The following NRG1 variants were observed in gnomAD, a reference collection of about 807,000 sequenced individuals.
NRG1 encodes neuregulin 1.
In NRG1, 18 loss-of-function variants were observed where a neutral mutation model predicts 63.8. That is an observed-to-expected ratio of 0.28 (90% confidence interval 0.19 to 0.42). NRG1 has a LOEUF of 0.42. Ranked by LOEUF, NRG1 falls within the 10% of genes least tolerant of loss-of-function variation. NRG1 has a pLI of 1.00. For missense variants in NRG1, 762 were observed against 814.7 expected, an observed-to-expected ratio of 0.94 and a Z score of 0.79; for synonymous variants, 302 against 301.3, an observed-to-expected ratio of 1.00 and a Z score of -0.02.
chr8:31,746,504 T>C (rs750288842), intron 1 of NRG1, among the ~76,000 whole-genome samples: 2 of 151,974 alleles, frequency 1.3e-5, no homozygotes, highest in Non-Finnish European at 2.9e-5. Flanking sequence ...GTCCTTACCA[T>C]TGATTTATTG....
chr8:31,813,650 C>A (rs1031945360), intron 1 of NRG1, among the ~76,000 whole-genome samples: 2 of 151,516 alleles, frequency 1.3e-5, no homozygotes, highest in African/African-American at 4.9e-5. Flanking sequence ...ACCCCCTGAC[C>A]CTCACTATCT....
chr8:32,183,727 T>A (rs568391718), intron 1 of NRG1, among the ~76,000 whole-genome samples: 13 of 152,272 alleles, frequency 8.5e-5, no homozygotes, highest in African/African-American at 2.9e-4. Context: ...GGAGTGCCCA[T>A]CCTACAAGAA....
chr8:32,048,828 T>G (rs1371437037), intron 1 of NRG1, among the ~76,000 whole-genome samples: 1 of 151,942 alleles, frequency 6.6e-6, no homozygotes, highest in Non-Finnish European at 1.5e-5. Context: ...TTTGTTGCTG[T>G]TGAGTTGTTT....
At chr8:32,621,938 A>C (rs1239293864) in intron 5 of NRG1, among the ~76,000 whole-genome samples, 1 of 152,222 alleles carries the variant, frequency 6.6e-6, no homozygotes, top group Admixed American at 6.5e-5. Flanking sequence ...AGTGGATTGA[A>C]AGGTAGCCTT....
At chr8:32,116,417 G>A (rs1832717867) in intron 1 of NRG1, among the ~76,000 whole-genome samples, 1 of 152,136 alleles carries the variant, frequency 6.6e-6, no homozygotes, top group Non-Finnish European at 1.5e-5. Context: ...TAAGAGAAGT[G>A]TAAGGTCAGA....
At chr8:31,655,363 G>C (rs973510492) in intron 1 of NRG1, among the ~76,000 whole-genome samples, 1 of 152,146 alleles carries the variant, frequency 6.6e-6, no homozygotes, top group African/African-American at 2.4e-5. Flanking sequence ...CCAGCCAGGT[G>C]AACATATAAC....
At chr8:32,409,075 T>C (rs2129485270) in intron 1 of NRG1, among the ~76,000 whole-genome samples, 1 of 152,336 alleles carries the variant, frequency 6.6e-6, no homozygotes, top group African/African-American at 2.4e-5. Context: ...GAATTGATTC[T>C]TTTGTATGGC....
At chr8:32,495,322 T>C (rs1004140563) in intron 1 of NRG1, among the ~76,000 whole-genome samples, 1 of 152,248 alleles carries the variant, frequency 6.6e-6, no homozygotes, top group Non-Finnish European at 1.5e-5. Flanking sequence ...CTGCACATGC[T>C]GTCTTGCCTG....
chr8:32,050,484 A>G (rs1022892493), intron 1 of NRG1, among the ~76,000 whole-genome samples: 4 of 152,144 alleles, frequency 2.6e-5, no homozygotes, highest in African/African-American at 4.8e-5. Context: ...TTGACCAAAC[A>G]TGTGATCAAA....
At chr8:31,922,291 G>T (rs1361129786) in intron 1 of NRG1, among the ~76,000 whole-genome samples, 1 of 152,152 alleles carries the variant, frequency 6.6e-6, no homozygotes, top group Admixed American at 6.6e-5. Flanking sequence ...AATCTGAGTG[G>T]ACTTGGCTTC....
chr8:32,227,456 G>GA (rs1335493206), intron 1 of NRG1, among the ~76,000 whole-genome samples: 1 of 152,050 alleles, frequency 6.6e-6, no homozygotes, highest in Non-Finnish European at 1.5e-5. Flanking sequence ...ACTATTTTAA[G>GA]AAAAAACTGT....
chr8:31,854,732 T>C (rs1827657222), intron 1 of NRG1, among the ~76,000 whole-genome samples: 3 of 152,210 alleles, frequency 2.0e-5, no homozygotes, highest in Admixed American at 2.0e-4. Flanking sequence ...CTTTCCTCCT[T>C]TCTCTTGTGG....
chr8:32,742,141 G>A lies in NRG1; in HGVS notation c.633-534G>A. 7.9e-7 allele frequency: 1 copy of A among 1,259,624 alleles called. No individual in the cohort carries two copies. Among genetic ancestry groups the A allele is most frequent in the Non-Finnish European group, 1.2e-6 (1 of 859,322 alleles). 78.0% of individuals were successfully genotyped at this position (1,259,624 alleles called of 1,614,324 possible). ...ACAGCAACAATCACTACCACTTGGT[G>A]CTTTTACAGCTCAGTCGTAACTGAT... On this transcript the variant is annotated intron_variant, in intron 6 of 11. Transcript: ENST00000356819. The surrounding 1 kb of genome is among the most constrained non-coding windows in gnomAD (Gnocchi z 4.2).
At chr8:32,647,132 C>T (rs1588953375) in intron 5 of NRG1, 1 of 985,378 alleles carries the variant, frequency 1.0e-6, no homozygotes, top group Non-Finnish European at 1.2e-6. Context: ...CAGTGATGCT[C>T]CGAGGGCAGG....
chr8:31,834,290 C>CGTGTGCACACAT (rs1554546934), intron 1 of NRG1, among the ~76,000 whole-genome samples: 1 of 66,834 alleles, frequency 1.5e-5, no homozygotes, highest in African/African-American at 6.3e-5. Context: ...TCCCTTCATG[C>CGTGTGCACACAT]GTGTGCGCGC....
chr8:32,762,078 C>T (rs1589652780), intron 11 of NRG1, among the ~76,000 whole-genome samples: 1 of 148,930 alleles, frequency 6.7e-6, no homozygotes, highest in East Asian at 2.0e-4. Context: ...GACTTGCAAG[C>T]CTGTTGGTTA....
chr8:31,959,813 A>ATTTC (rs1240077624), intron 1 of NRG1, among the ~76,000 whole-genome samples: 1 of 132,080 alleles, frequency 7.6e-6, no homozygotes, highest in Non-Finnish European at 1.7e-5. Flanking sequence ...TTATTTATTT[A>ATTTC]TTTATTTATT....
chr8:32,359,005 A>C (rs1482625454), intron 1 of NRG1, among the ~76,000 whole-genome samples: 3 of 152,186 alleles, frequency 2.0e-5, no homozygotes. Flanking sequence ...AGATAACCAA[A>C]GGAAGAAACG....
At chr8:32,698,871 G>A (rs1814081201) in intron 5 of NRG1, among the ~76,000 whole-genome samples, 1 of 152,130 alleles carries the variant, frequency 6.6e-6, no homozygotes, top group Non-Finnish European at 1.5e-5. Context: ...GACTAGGAGC[G>A]ATTTCCAGAA....
Sources: allele counts gnomAD v4.1 joint callset (sites outside exome capture counted in the v4.1 genomes callset), GRCh38; gene constraint gnomAD v4.1.1; non-coding constraint Gnocchi (gnomAD v3.1); transcripts MANE v1.5; gene names NCBI Gene and HGNC (gene_info 2026-07-23, HGNC 2026-07-21).